The following FILIP1L variants were observed in gnomAD, a reference collection of about 807,000 sequenced individuals.
The protein encoded by FILIP1L is filamin A-interacting protein 1-like.
In FILIP1L, 55 loss-of-function variants were observed where a neutral mutation model predicts 96.6. The observed-to-expected ratio is 0.57, with a 90% CI of 0.46 to 0.71. FILIP1L has a LOEUF of 0.71. Among genes scored for constraint, FILIP1L ranks in the 30% least tolerant of loss-of-function variants. FILIP1L has a pLI of 0.00. For missense variants in FILIP1L, 1,304 were observed against 1,321.2 expected (o/e 0.99, Z 0.20); for synonymous variants, 467 against 473.9 (o/e 0.99, Z 0.19).
At chr3:99,871,653 T>A (rs962320622) in intron 4 of FILIP1L, among the ~76,000 whole-genome samples, 2 of 152,184 alleles carry the variant, frequency 1.3e-5, no homozygotes, top group African/African-American at 4.8e-5. Flanking sequence ...CTTTGAATTT[T>A]GAAAGGGATC....
intron 1 of FILIP1L, among the ~76,000 whole-genome samples, chr3:100,032,337 T>C (rs1373953326): frequency 3.3e-5 from 5 of 152,210 alleles, no homozygotes. Context: ...TCTTAAGATT[T>C]ATGAAATGCA....
At chr3:100,001,133 A>C (rs1411244990) in intron 1 of FILIP1L, among the ~76,000 whole-genome samples, 2 of 152,198 alleles carry the variant, frequency 1.3e-5, no homozygotes, top group African/African-American at 4.8e-5. Flanking sequence ...AAATTGGCTT[A>C]GATTTAAATA....
At chr3:99,861,417 G>A (rs192261680) in intron 4 of FILIP1L, among the ~76,000 whole-genome samples, 59 of 152,276 alleles carry the variant, frequency 3.9e-4, no homozygotes, top group African/African-American at 1.4e-3. Flanking sequence ...TCCTGAAAGT[G>A]CCTCCTAGTT....
intron 1 of FILIP1L, among the ~76,000 whole-genome samples, chr3:100,036,064 C>G (rs1053286679): frequency 2.0e-5 from 3 of 152,190 alleles, no homozygotes; most frequent in Admixed American, 2.0e-4. Context: ...CTAAAAACCC[C>G]TGTACCATCT....
chr3:99,862,965 C>T (rs1171474553), intron 4 of FILIP1L, among the ~76,000 whole-genome samples: 3 of 152,154 alleles, frequency 2.0e-5, no homozygotes, highest in East Asian at 3.8e-4. Flanking sequence ...ATGCTCTGCT[C>T]ATCTTACTCC....
intron 4 of FILIP1L, among the ~76,000 whole-genome samples, chr3:99,861,346 A>G (rs1178219144): frequency 6.6e-6 from 1 of 152,180 alleles, no homozygotes; most frequent in African/African-American, 2.4e-5. Flanking sequence ...CCCTCTAGGG[A>G]GAAGTATCCA....
chr3:99,990,072 T>G (rs1709467781), intron 1 of FILIP1L, among the ~76,000 whole-genome samples: 1 of 152,186 alleles, frequency 6.6e-6, no homozygotes, highest in Non-Finnish European at 1.5e-5. Flanking sequence ...TGTTTGCCGC[T>G]TTGTGTTTGT....
chr3:99,951,565 G>A (rs1211851618), intron 1 of FILIP1L, among the ~76,000 whole-genome samples: 1 of 152,116 alleles, frequency 6.6e-6, no homozygotes, highest in East Asian at 1.9e-4. Context: ...TGAGATAGTA[G>A]ACTAAGAAAG....
rs73859925 is a variant in FILIP1L at position 100,114,491 on chromosome 3, C to T, written c.-449G>A. On this transcript the variant is annotated 5_prime_UTR_variant, in exon 1 of 6. In the 5' UTR this introduces an upstream ATG that the reference lacks. Coordinates refer to ENST00000477258, the MANE Select transcript of FILIP1L (RefSeq NM_001387850.1). The stretch of plus-strand genomic sequence containing the variant: ...GAGGCAGGCACAGGCTCCGTGAGCA[C>T]GTCTGTGTGTGTGTGTGTGTGTCTG... 2,395 of 155,692 alleles carry T rather than the reference C, an allele frequency of 0.015. 58 individuals are homozygous for T. The highest frequency in any genetic ancestry group is 0.052 in the African/African-American group (2,148 of 41,536). The allele number at this position is 155,692 out of a possible 1,614,324, so 9.6% of individuals were successfully genotyped here. A position where few individuals can be genotyped will look rare whatever the true frequency, so the allele number is the denominator to read the frequency against.
At chr3:99,923,826 T>C (rs1417685881) in intron 4 of FILIP1L, among the ~76,000 whole-genome samples, 1 of 152,254 alleles carries the variant, frequency 6.6e-6, no homozygotes, top group Non-Finnish European at 1.5e-5. Context: ...CCTACAATCA[T>C]GCCCTATGCT....
At chr3:100,080,134 A>C (rs1004238362) in intron 1 of FILIP1L, among the ~76,000 whole-genome samples, 2 of 152,078 alleles carry the variant, frequency 1.3e-5, no homozygotes, top group Admixed American at 6.5e-5. Context: ...TTCTTTAATT[A>C]ATAAAAAATT....
At chr3:99,892,328 CT>C (rs1416741562) in intron 4 of FILIP1L, among the ~76,000 whole-genome samples, 2 of 152,178 alleles carry the variant, frequency 1.3e-5, no homozygotes, top group East Asian at 3.8e-4. Flanking sequence ...TCACTGAGAA[CT>C]GTCATGAAAA....
intron 1 of FILIP1L, among the ~76,000 whole-genome samples, chr3:100,105,577 A>G (rs1299820583): frequency 6.6e-6 from 1 of 152,164 alleles, no homozygotes; most frequent in Admixed American, 6.5e-5. Flanking sequence ...CTTCTCATAT[A>G]CCCTTTAAGC....
At chr3:100,056,737 C>A (rs567350504) in intron 1 of FILIP1L, among the ~76,000 whole-genome samples, 6 of 151,510 alleles carry the variant, frequency 4.0e-5, no homozygotes, top group Admixed American at 3.3e-4. Context: ...CGGTGGCTCA[C>A]GCCTGTAATC....
intron 4 of FILIP1L, among the ~76,000 whole-genome samples, chr3:99,921,933 T>G (rs1707136289): frequency 6.6e-6 from 1 of 152,214 alleles, no homozygotes; most frequent in African/African-American, 2.4e-5. Flanking sequence ...TTAAATAATC[T>G]TTGCCATCTG....
intron 1 of FILIP1L, among the ~76,000 whole-genome samples, chr3:100,031,822 A>G (rs1385434998): frequency 2.0e-5 from 3 of 152,232 alleles, no homozygotes; most frequent in Non-Finnish European, 4.4e-5. Flanking sequence ...AAGCAAAAAT[A>G]GGAAATATTT....
At chr3:100,058,595 A>G (rs1444457312) in intron 1 of FILIP1L, among the ~76,000 whole-genome samples, 1 of 152,206 alleles carries the variant, frequency 6.6e-6, no homozygotes. Flanking sequence ...CCCTTGGTGG[A>G]CAAAGAGAAA....
chr3:99,915,343 G>A (rs1482933255), intron 4 of FILIP1L, among the ~76,000 whole-genome samples: 1 of 152,088 alleles, frequency 6.6e-6, no homozygotes, highest in East Asian at 1.9e-4. Context: ...CTGTGGAAGG[G>A]GCTGTGTAAC....
In FILIP1L at chr3:99,867,166, A is replaced by G. The variant is rs574647604; in HGVS notation, c.606-16096T>C. Among the ~76,000 whole-genome samples, 5 of 152,346 alleles carry G rather than the reference A, an allele frequency of 3.3e-5. No homozygotes were observed. In the South Asian group the frequency reaches 6.2e-4, roughly 19 times the overall value. Reference sequence around the variant, plus strand: ...GACAGTGGTCAACAGCATATCTGCTAGAGGTGAGAGCAATGACTGTACCCC... The same window carrying G: ...GACAGTGGTCAACAGCATATCTGCTGGAGGTGAGAGCAATGACTGTACCCC... On this transcript the variant is annotated intron_variant, in intron 4 of 5. Transcript: ENST00000477258.
Sources: allele counts gnomAD v4.1 joint callset (sites outside exome capture counted in the v4.1 genomes callset), GRCh38; gene constraint gnomAD v4.1.1; transcripts MANE v1.5; gene names NCBI Gene and HGNC (gene_info 2026-07-23, HGNC 2026-07-21).